The following ENTREP2 variants were observed in gnomAD, a reference collection of about 807,000 sequenced individuals.
The protein encoded by ENTREP2 is protein ENTREP2.
the ENTREP2 span, among the ~76,000 whole-genome samples, chr15:29,485,148 T>C: frequency 9.9e-5 from 15 of 152,052 alleles, no homozygotes; most frequent in African/African-American, 3.1e-4. Context: ...ACTGTCAGAA[T>C]CAACTTTGTC....
the ENTREP2 span, among the ~76,000 whole-genome samples, chr15:29,426,061 T>G: frequency 6.6e-6 from 1 of 151,142 alleles, no homozygotes; most frequent in Non-Finnish European, 1.5e-5. Flanking sequence ...TTTTAATAAT[T>G]AAATAATTGA....
At chr15:29,321,660 A>G in the ENTREP2 span, among the ~76,000 whole-genome samples, 1 of 151,992 alleles carries the variant, frequency 6.6e-6, no homozygotes, top group Non-Finnish European at 1.5e-5. Context: ...AAAAAAAAAA[A>G]AAGAAAAAAA....
chr15:29,247,796 T>G, the ENTREP2 span, among the ~76,000 whole-genome samples: 1 of 152,098 alleles, frequency 6.6e-6, no homozygotes, highest in Non-Finnish European at 1.5e-5. Context: ...GTAAGCAAAT[T>G]ATCATCCTCC....
chr15:29,288,701 G>T, the ENTREP2 span, among the ~76,000 whole-genome samples: 6 of 152,156 alleles, frequency 3.9e-5, no homozygotes, highest in Non-Finnish European at 5.9e-5. Context: ...TAGCCTATAG[G>T]TGTGTAGTAA....
chr15:29,184,766 C>A, the ENTREP2 span, among the ~76,000 whole-genome samples: 1 of 152,168 alleles, frequency 6.6e-6, no homozygotes. Context: ...TGCTCTGCTC[C>A]TTTGTCCAGT....
the ENTREP2 span, among the ~76,000 whole-genome samples, chr15:29,123,997 C>T: frequency 6.6e-6 from 1 of 152,242 alleles, no homozygotes; most frequent in Non-Finnish European, 1.5e-5. Flanking sequence ...CCCTTTGGGT[C>T]TGATCTCTTG....
the ENTREP2 span, among the ~76,000 whole-genome samples, chr15:29,460,354 G>A: frequency 6.6e-6 from 1 of 152,154 alleles, no homozygotes. Flanking sequence ...TGTCTGCCTG[G>A]GTGCGGTGGC....
chr15:29,368,077 C>T, the ENTREP2 span, among the ~76,000 whole-genome samples: 4 of 150,568 alleles, frequency 2.7e-5, no homozygotes, highest in Admixed American at 6.6e-5. Flanking sequence ...AATCCCAGCA[C>T]TTTGGGAGGC....
chr15:29,606,692 T>C, the ENTREP2 span, among the ~76,000 whole-genome samples: 5 of 152,330 alleles, frequency 3.3e-5, no homozygotes, highest in East Asian at 7.7e-4. Context: ...CATAAGACTT[T>C]TTCAAGATGT....
chr15:29,636,916 A>G, the ENTREP2 span, among the ~76,000 whole-genome samples: 1 of 152,226 alleles, frequency 6.6e-6, no homozygotes, highest in Non-Finnish European at 1.5e-5. Flanking sequence ...ATATTTGTTC[A>G]CATTTTCTAT....
chr15:29,147,792 G>T, the ENTREP2 span, among the ~76,000 whole-genome samples: 342 of 152,202 alleles, frequency 2.2e-3, 1 homozygote, highest in Non-Finnish European at 3.8e-3. Flanking sequence ...CCCCTCCAAG[G>T]TATATACTCA....
chr15:29,633,631 A>G, the ENTREP2 span, among the ~76,000 whole-genome samples: 1 of 152,146 alleles, frequency 6.6e-6, no homozygotes, highest in East Asian at 1.9e-4. Context: ...GTCAGAAGGA[A>G]ACTATTTTAG....
the ENTREP2 span, among the ~76,000 whole-genome samples, chr15:29,360,302 T>C: frequency 1.3e-5 from 2 of 152,200 alleles, no homozygotes; most frequent in East Asian, 3.9e-4. Flanking sequence ...ATATTAGAGC[T>C]ACCTCAGCAT....
chr15:29,626,147 A>C, the ENTREP2 span, among the ~76,000 whole-genome samples: 2 of 152,198 alleles, frequency 1.3e-5, no homozygotes, highest in East Asian at 3.9e-4. Context: ...TAGTACATAA[A>C]AATACAATTG....
chr15:29,265,058 A>C, the ENTREP2 span: 1 of 152,196 alleles, frequency 6.6e-6, no homozygotes, highest in Non-Finnish European at 1.5e-5. Flanking sequence ...ATCCAAAGTC[A>C]TTCATAGTTT....
chr15:29,444,114 AAGAC>A, the ENTREP2 span, among the ~76,000 whole-genome samples: 3 of 149,204 alleles, frequency 2.0e-5, no homozygotes, highest in Admixed American at 6.7e-5. Flanking sequence ...AAAAGAAAGA[AAGAC>A]AGACAGAAAG....
the ENTREP2 span, chr15:29,269,119 GTT>G: frequency 6.2e-7 from 1 of 1,614,160 alleles, no homozygotes; most frequent in South Asian, 1.1e-5. Flanking sequence ...CCAGGCTTCA[GTT>G]TCCTTGATGG....
At chr15:29,249,017 A>T in the ENTREP2 span, among the ~76,000 whole-genome samples, 1 of 152,264 alleles carries the variant, frequency 6.6e-6, no homozygotes, top group Admixed American at 6.5e-5. Context: ...ATAAAGTTGT[A>T]GAATATTTTA....
At chr15:29,289,981 T>C in the ENTREP2 span, among the ~76,000 whole-genome samples, 1 of 152,102 alleles carries the variant, frequency 6.6e-6, no homozygotes. Flanking sequence ...GACGAAACAC[T>C]GTACAGCAAT....
Sources: allele counts gnomAD v4.1 joint callset (sites outside exome capture counted in the v4.1 genomes callset), GRCh38; gene constraint gnomAD v4.1.1; transcripts MANE v1.5; gene names NCBI Gene and HGNC (gene_info 2026-07-23, HGNC 2026-07-21).